The following GRM5 variants were observed in gnomAD, a reference collection of about 807,000 sequenced individuals.
The protein encoded by GRM5 is metabotropic glutamate receptor 5.
In GRM5, 19 loss-of-function variants were observed where a neutral mutation model predicts 83.1. That is an observed-to-expected ratio of 0.23 (90% CI 0.16 to 0.34). The LOEUF is 0.34. Ranked by LOEUF, GRM5 falls within the 10% of genes least tolerant of loss-of-function variation. The probability of loss-of-function intolerance (pLI) is 1.00; values close to 1 mark genes in which losing one functional copy is unlikely to be tolerated. For synonymous variants in GRM5, 675 were observed against 633.6 expected (o/e 1.07, Z -0.98); for missense variants, 1,160 against 1,588.3 (o/e 0.73, Z 4.58).
chr11:88,999,151 G>A (rs972299708), intron 2 of GRM5, among the ~76,000 whole-genome samples: 2 of 152,092 alleles, frequency 1.3e-5, no homozygotes, highest in Non-Finnish European at 2.9e-5. Flanking sequence ...GAAAACCTAG[G>A]CAATATCATT....
intron 3 of GRM5, among the ~76,000 whole-genome samples, chr11:88,822,922 C>T (rs776454233): frequency 7.2e-5 from 11 of 151,848 alleles, no homozygotes; most frequent in Non-Finnish European, 1.2e-4. Context: ...TTTCAACCAT[C>T]CAGGAATTAA....
In GRM5 at chr11:88,997,990, G is replaced by T. The variant is rs564905937; in HGVS notation, c.661+49222C>A. Among the ~76,000 whole-genome samples the T allele has an allele frequency of 2.9e-3, 437 of 150,876 alleles. 2 individuals carry two copies. Among genetic ancestry groups the T allele is most frequent in the African/African-American group, 0.01 (421 of 40,526 alleles). ...ATTCATGATACCAAAACCAAAGAAA[G>T]TATTCCCTGGTATGAAAACTAATAA... On this transcript the variant is annotated intron_variant, in intron 2 of 9. Transcript: ENST00000305447.
chr11:88,740,710 T>C (rs1942009840), intron 3 of GRM5, among the ~76,000 whole-genome samples: 1 of 151,724 alleles, frequency 6.6e-6, no homozygotes, highest in African/African-American at 2.4e-5. Context: ...GACTCAGGAG[T>C]AGTTTTTCTC....
At chr11:88,636,544 T>C (rs1939128357) in intron 4 of GRM5, among the ~76,000 whole-genome samples, 1 of 151,986 alleles carries the variant, frequency 6.6e-6, no homozygotes, top group African/African-American at 2.4e-5. Flanking sequence ...AGAGTTTCTG[T>C]CTATTTTTAG....
intron 8 of GRM5, among the ~76,000 whole-genome samples, chr11:88,559,503 T>C (rs1038264623): frequency 5.3e-5 from 8 of 152,170 alleles, no homozygotes; most frequent in Admixed American, 3.9e-4. Flanking sequence ...ATAAATGAGC[T>C]AATAATGCCT....
At chr11:88,651,101 A>G (rs1939619722) in intron 4 of GRM5, among the ~76,000 whole-genome samples, 1 of 151,988 alleles carries the variant, frequency 6.6e-6, no homozygotes, top group East Asian at 1.9e-4. Context: ...CTCACATGAG[A>G]GATAGAGAGC....
At chr11:89,035,948 G>T (rs1229612852) in intron 2 of GRM5, among the ~76,000 whole-genome samples, 1 of 152,010 alleles carries the variant, frequency 6.6e-6, no homozygotes, top group African/African-American at 2.4e-5. Context: ...AGTTGGAGAA[G>T]TAAAGGCACA....
rs118169436 is a variant in GRM5, at chr11:88,758,327, A to C, written c.911+91579T>G. Among the ~76,000 whole-genome samples, 1,084 of 152,334 alleles carry C rather than the reference A, an allele frequency of 7.1e-3. 3 individuals carry two copies. The highest frequency in any genetic ancestry group is 0.023 in the South Asian group (110 of 4,830). On this transcript the variant is annotated intron_variant, in intron 3 of 9. Coordinates refer to ENST00000305447, the MANE Select transcript of GRM5 (RefSeq NM_001143831.3). ...ACTGAAGCCCAATCCAAGGAAGCTA[A>C]GAATCACAGTAAAATGATGCATGAG...
At chr11:88,833,113 G>A (rs1477723907) in intron 3 of GRM5, among the ~76,000 whole-genome samples, 1 of 152,008 alleles carries the variant, frequency 6.6e-6, no homozygotes, top group African/African-American at 2.4e-5. Flanking sequence ...ATAAACAAAT[G>A]GGATTGTTTT....
At chr11:88,903,959 A>G (rs557991366) in intron 2 of GRM5, among the ~76,000 whole-genome samples, 41 of 152,312 alleles carry the variant, frequency 2.7e-4, no homozygotes, top group Admixed American at 1.9e-3. Flanking sequence ...TTTCATGCTG[A>G]GTGAGATGGA....
chr11:88,715,556 G>C (rs1387979062), intron 3 of GRM5, among the ~76,000 whole-genome samples: 1 of 151,946 alleles, frequency 6.6e-6, no homozygotes, highest in African/African-American at 2.4e-5. Context: ...CTCCTGATCA[G>C]TAGAATAGAG....
intron 3 of GRM5, among the ~76,000 whole-genome samples, chr11:88,830,591 G>A (rs143978150): frequency 1.4e-3 from 213 of 152,194 alleles, no homozygotes; most frequent in African/African-American, 5.0e-3. Flanking sequence ...AAGAGTAAGT[G>A]AGTGACCCCT....
chr11:88,862,669 T>C (rs1229856071), intron 2 of GRM5, among the ~76,000 whole-genome samples: 1 of 152,114 alleles, frequency 6.6e-6, no homozygotes, highest in African/African-American at 2.4e-5. Context: ...TTTTTTTAAG[T>C]TCTGGGACAC....
At chr11:88,528,070 C>T (rs564892075) in intron 8 of GRM5, among the ~76,000 whole-genome samples, 1 of 150,320 alleles carries the variant, frequency 6.7e-6, no homozygotes, top group Non-Finnish European at 1.5e-5. Context: ...TGCACATATA[C>T]CCCTGAACCT....
intron 4 of GRM5, among the ~76,000 whole-genome samples, chr11:88,626,425 G>C (rs1938799366): frequency 6.6e-6 from 1 of 152,166 alleles, no homozygotes; most frequent in African/African-American, 2.4e-5. Context: ...GACTCATAGA[G>C]ATTTCTGACT....
At chr11:89,009,144 G>A (rs1940613286) in intron 2 of GRM5, 2 of 695,806 alleles carry the variant, frequency 2.9e-6, no homozygotes, top group Admixed American at 4.5e-5. Flanking sequence ...GATAAGCAAA[G>A]GTTTTATAAG....
At chr11:88,933,193 T>TA (rs1937770620) in intron 2 of GRM5, among the ~76,000 whole-genome samples, 1 of 145,448 alleles carries the variant, frequency 6.9e-6, no homozygotes, top group South Asian at 2.2e-4. Context: ...GGGCATTTTT[T>TA]TTTTTTTTTT....
intron 2 of GRM5, among the ~76,000 whole-genome samples, chr11:89,006,721 C>A (rs1940537537): frequency 6.6e-6 from 1 of 152,198 alleles, no homozygotes; most frequent in South Asian, 2.1e-4. Flanking sequence ...TGCATATTAC[C>A]TTTACCTTGT....
intron 2 of GRM5, among the ~76,000 whole-genome samples, chr11:88,994,156 G>C (rs1940091610): frequency 6.6e-6 from 1 of 151,524 alleles, no homozygotes; most frequent in Non-Finnish European, 1.5e-5. Flanking sequence ...TTAAATGCTT[G>C]GGAATATATT....
Sources: gnomAD v4.1 joint callset for allele counts (sites outside exome capture counted in the v4.1 genomes callset) on GRCh38, gnomAD v4.1.1 for gene constraint, MANE v1.5 for transcripts, NCBI Gene and HGNC (gene_info 2026-07-23, HGNC 2026-07-21) for gene names.